LIN37: variants seen among roughly 807,000 people sequenced by gnomAD.
LIN37 encodes lin-37 DREAM MuvB core complex component, also known as protein lin-37 homolog.
A neutral mutation model predicts 38.0 loss-of-function variants in LIN37; 21 were observed. The observed-to-expected ratio is 0.55, with a 90% confidence interval of 0.39 to 0.80. The LOEUF is 0.80. Ranked by LOEUF, LIN37 falls within the 30% of genes least tolerant of loss-of-function variation. The pLI is 0.00. For missense variants in LIN37, 273 were observed against 338.5 expected (o/e 0.81, Z 1.52); for synonymous variants, 126 against 122.9 (o/e 1.03, Z -0.17).
chr19:35,754,179 A>G, intron 7 of LIN37, 22 bp downstream of exon 7: 1 of 1,613,976 alleles, frequency 6.2e-7, no homozygotes, highest in Non-Finnish European at 8.5e-7. Flanking sequence ...AGGCTGGCCC[A>G]GGGTTATGGG....
Position 35,752,796 on chromosome 19 carries a change from C to G in LIN37, c.162-8C>G, listed in dbSNP as rs776889237. 1 of 1,609,078 alleles carries G rather than the reference C, an allele frequency of 6.2e-7. No homozygotes were observed. The highest frequency in any genetic ancestry group is 8.5e-7 in the Non-Finnish European group (1 of 1,178,082). ...GTTTGTCTGAGGGTCAACTGTCTTT[C>G]CCCACAGGGACTGCTCCATCGCAGC... On this transcript the variant is annotated splice_region_variant and splice_polypyrimidine_tract_variant and intron_variant, in intron 3 of 8. Coordinates refer to ENST00000301159, the MANE Select transcript of LIN37 (RefSeq NM_019104.3).
intron 3 of LIN37, 40 bp downstream of exon 3, chr19:35,752,524 G>C (rs1970692443): frequency 6.2e-7 from 1 of 1,605,376 alleles, no homozygotes; most frequent in African/African-American, 1.3e-5. Context: ...AGAGTTCGTG[G>C]TTGGTAACTT....
At position 35,753,127 on chromosome 19, in the gene LIN37, G is replaced by C. The variant is rs749336766; in HGVS notation, c.318G>C (p.Leu106Phe). Reference protein sequence around the residue: ...VIKLFDRSVDLAQFSENTPLY... With the variant: ...VIKLFDRSVDFAQFSENTPLY... The stretch of plus-strand genomic sequence containing the variant: ...AGCTGTTCGACCGGAGCGTGGACTT[G>C]GCCCAGTTCAGCGAGAACACGCCAC... The change falls in exon 6 of 9, where the codon TTG becomes TTC. Residue 106 changes from leucine (L) to phenylalanine (F), a missense_variant. By Grantham distance (22) the Leu-to-Phe change is conservative. Coordinates refer to ENST00000301159, the MANE Select transcript of LIN37 (RefSeq NM_019104.3). 1 of 1,604,738 alleles carries C rather than the reference G, an allele frequency of 6.2e-7. No homozygotes were observed. Among genetic ancestry groups the C allele is most frequent in the Non-Finnish European group, 8.5e-7 (1 of 1,175,802 alleles).
At position 35,748,739 on chromosome 19, in the gene LIN37, G is replaced by T. The variant is rs764344868; in HGVS notation, c.15G>T (p.Lys5Asn). ...GGACCCAAACCATGTTCCCTGTGAA[G>T]GTGAAAGTGGAGAAATCAGGTGAGG... Reference protein sequence around the residue: MFPVKVKVEKSELEM... With the variant: MFPVNVKVEKSELEM... The change falls in exon 1 of 9, where the codon AAG becomes AAT. Residue 5 changes from lysine to asparagine, a missense_variant. Transcript: ENST00000301159. The T allele has an allele frequency of 4.3e-6, 7 of 1,613,802 alleles. No individual in the cohort carries two copies. The highest frequency in any genetic ancestry group is 5.9e-6 in the Non-Finnish European group (7 of 1,179,834).
chr19:35,749,102 A>T (rs990156803), intron 1 of LIN37: 6 of 664,402 alleles, frequency 9.0e-6, no homozygotes, highest in African/African-American at 7.9e-5. Context: ...TATATTGCCC[A>T]GGCTGGTCTC....
In LIN37 at chr19:35,754,518, CA is replaced by C; in HGVS notation, c.*45del. 6.4e-7 allele frequency: 1 copy of C among 1,559,508 alleles called. No homozygotes were observed. Among genetic ancestry groups the C allele is most frequent in the Non-Finnish European group, 8.8e-7 (1 of 1,131,072 alleles). On this transcript the variant is annotated 3_prime_UTR_variant, in exon 9 of 9. Transcript: ENST00000301159. ...CACCAGTAAACATCCCCCAGCTCCA[CA>C]CTGGTGTCTGCTCCGGTCCCTCCTT...
chr19:35,753,911 C>T (rs766439153), intron 6 of LIN37, 106 bp from the exon 7 acceptor site: 3 of 1,309,974 alleles, frequency 2.3e-6, no homozygotes, highest in Non-Finnish European at 3.2e-6. Flanking sequence ...CCTTAGCGAG[C>T]CCCTCATGCC....
rs1751091085 is a variant in LIN37 at position 35,748,648 on chromosome 19, C to T, written c.-77C>T. The stretch of plus-strand genomic sequence containing the variant: ...AAGCTCATCTTTGAACTGTCCCCGC[C>T]TTCTCCCGCCTTGACTTGTGACCCT... On this transcript the variant is annotated 5_prime_UTR_variant, in exon 1 of 9. Transcript: ENST00000301159. 2 of 1,600,460 alleles carry T rather than the reference C, an allele frequency of 1.2e-6. No homozygotes were observed. Among genetic ancestry groups the T allele is most frequent in the Admixed American group, 1.7e-5 (1 of 59,998 alleles).
Position 35,751,924 on chromosome 19 carries a change from A to C in LIN37, c.35-252A>C, listed in dbSNP as rs765455130. The stretch of plus-strand genomic sequence containing the variant: ...TTATATTAAAACACATTTTTTTAAA[A>C]CCCAAAAGGCTCATAAGGTAAGGTG... On this transcript the variant is annotated intron_variant, in intron 1 of 8. Transcript: ENST00000301159. The C allele has an allele frequency of 1.3e-5, 4 of 306,932 alleles. No individual in the cohort carries two copies. The East Asian group carries it at 1.6e-4, about 13-fold the overall frequency. The allele number at this position is 306,932 out of a possible 1,614,324, so 19.0% of individuals were successfully genotyped here.
chr19:35,749,108 G>C, intron 1 of LIN37: 1 of 585,914 alleles, frequency 1.7e-6, no homozygotes, highest in Middle Eastern at 7.9e-4. Flanking sequence ...GCCCAGGCTG[G>C]TCTCGAACTC....
intron 1 of LIN37, among the ~76,000 whole-genome samples, chr19:35,750,543 A>T (rs1320827088): frequency 6.6e-6 from 1 of 152,212 alleles, no homozygotes; most frequent in Non-Finnish European, 1.5e-5. Context: ...GGACAGCGTA[A>T]CATCATCACT....
At position 35,748,815 on chromosome 19, in the gene LIN37, TCCC is replaced by T. The variant is rs932439031; in HGVS notation, c.34+58_34+60del. 3 of 1,611,316 alleles carry T rather than the reference TCCC, an allele frequency of 1.9e-6. No homozygotes were observed. The African/African-American group carries it at 4.0e-5, about 22-fold the overall frequency. The stretch of plus-strand genomic sequence containing the variant: ...ACCATCGGGTTGACAGGGTGTGGAG[TCCC>T]GGTGGAAGGGAGTATCGCGGAAAGG... On this transcript the variant is annotated intron_variant, in intron 1 of 8. Transcript: ENST00000301159.
At chr19:35,750,576 G>A (rs1432055911) in intron 1 of LIN37, among the ~76,000 whole-genome samples, 1 of 152,218 alleles carries the variant, frequency 6.6e-6, no homozygotes, top group Non-Finnish European at 1.5e-5. Context: ...GTGATGACGG[G>A]AGGCAGCCAC....
intron 3 of LIN37, 108 bp downstream of exon 3, chr19:35,752,592 C>A: frequency 8.4e-6 from 11 of 1,313,248 alleles, no homozygotes; most frequent in Non-Finnish European, 1.1e-5. Context: ...GTGGCCCGGA[C>A]CACTCCACCT....
At chr19:35,753,867 T>G (rs1599737750) in intron 6 of LIN37, 150 bp from the exon 7 acceptor site, 2 of 824,746 alleles carry the variant, frequency 2.4e-6, no homozygotes, top group Non-Finnish European at 1.9e-6. Context: ...CTGGTTGAGG[T>G]GTCTGCCCTT....
Position 35,752,251 on chromosome 19 carries a change from G to A in LIN37, c.110G>A (p.Arg37Lys), listed in dbSNP as rs775087716. Reference sequence around the variant, plus strand: ...CTGCTGGAGAAGAGTCACATGGACAGGTAGGCCAGCGTGGGGTCACAGGGC... The same window carrying A: ...CTGCTGGAGAAGAGTCACATGGACAAGTAGGCCAGCGTGGGGTCACAGGGC... ...QCLLEKSHMD[R>K]ERLDEEAGKT... Residue 37 changes from arginine to lysine, a missense_variant and splice_region_variant, in exon 2 of 9, where the codon AGG becomes AAG. Coordinates refer to ENST00000301159, the MANE Select transcript of LIN37 (RefSeq NM_019104.3). The A allele has an allele frequency of 2.3e-5, 37 of 1,605,084 alleles. No individual in the cohort carries two copies. The highest frequency in any genetic ancestry group is 3.0e-5 in the Non-Finnish European group (35 of 1,175,818).
intron 3 of LIN37, 113 bp downstream of exon 3, chr19:35,752,597 C>T: frequency 1.5e-6 from 2 of 1,291,990 alleles, no homozygotes; most frequent in Non-Finnish European, 2.2e-6. Context: ...CCGGACCACT[C>T]CACCTGTACA....
intron 1 of LIN37, among the ~76,000 whole-genome samples, chr19:35,749,998 A>G (rs1970660115): frequency 6.6e-6 from 1 of 151,946 alleles, no homozygotes; most frequent in Non-Finnish European, 1.5e-5. Flanking sequence ...ATTTTTCAGG[A>G]AGATTCCCCT....
rs1027216796 is a variant in LIN37, at chr19:35,753,263, G to A, written c.444+10G>A. ...GCCTGAGGATGAGGAGGTGGGATGG[G>A]TAGTGGGTCCCAGCCCAGCAGCCTG... On this transcript the variant is annotated intron_variant, in intron 6 of 8. Transcript: ENST00000301159. 1.3e-6 allele frequency: 2 copies of A among 1,544,998 alleles called. No homozygotes were observed. Among genetic ancestry groups the A allele is most frequent in the Non-Finnish European group, 1.7e-6 (2 of 1,147,196 alleles).
Sources: allele counts gnomAD v4.1 joint callset (sites outside exome capture counted in the v4.1 genomes callset), GRCh38; gene constraint gnomAD v4.1.1; transcripts MANE v1.5; gene names NCBI Gene and HGNC (gene_info 2026-07-23, HGNC 2026-07-21).